Variants in C3orf33 observed in about 807,000 individuals in gnomAD.
The protein encoded by C3orf33 is mitochondrial inner membrane subdomain organizer 1.
C3orf33 carries 23 observed loss-of-function variants against 28.7 expected under a neutral mutation model. That is an observed-to-expected ratio of 0.80 (90% confidence interval 0.58 to 1.13). C3orf33 has a LOEUF of 1.13. Among genes scored for constraint, C3orf33 ranks in the 50% most tolerant of loss-of-function variants. The probability of loss-of-function intolerance (pLI) is 0.00; values close to 1 mark genes in which losing one functional copy is unlikely to be tolerated. For missense variants in C3orf33, 327 were observed against 353.4 expected (o/e 0.93, Z 0.60); for synonymous variants, 119 against 120.5 (o/e 0.99, Z 0.08).
chr3:155,764,648 C>T (rs946469039), intron 4 of C3orf33, among the ~76,000 whole-genome samples: 10 of 151,212 alleles, frequency 6.6e-5, no homozygotes, highest in African/African-American at 2.4e-4. Context: ...GTCAGGAGTT[C>T]GAGACCAGCC....
In C3orf33 at chr3:155,806,221, G is replaced by A; in HGVS notation, c.32C>T (p.Pro11Leu). 2.0e-6 allele frequency: 3 copies of A among 1,484,504 alleles called. No homozygotes were observed. The highest frequency in any genetic ancestry group is 2.7e-6 in the Non-Finnish European group (3 of 1,117,108). The allele number at this position is 1,484,504 out of a possible 1,614,324, so 92.0% of individuals were successfully genotyped here. A position where few individuals can be genotyped will look rare whatever the true frequency, so the allele number is the denominator to read the frequency against. ...CTCCATTCCGTCCTTGTCGGCAGAC[G>A]GCGAGCCGGTGGCCGCGGGCTGCCC... MAGQPAATGS[P>L]SADKDGMEPN... is the part of the protein sequence containing the mutation. The change falls in exon 1 of 5, where the codon CCG (proline) becomes CTG (leucine). Residue 11 changes from proline to leucine, a missense_variant. Pro to Leu is a moderately conservative substitution (Grantham distance 98). Transcript: ENST00000340171.
intron 2 of C3orf33, among the ~76,000 whole-genome samples, chr3:155,784,249 A>G (rs1751032547): frequency 6.6e-6 from 1 of 151,992 alleles, no homozygotes; most frequent in Non-Finnish European, 1.5e-5. Flanking sequence ...CTTTTTTTAT[A>G]TCCACAATGT....
chr3:155,791,325 C>T (rs114335498), intron 2 of C3orf33, among the ~76,000 whole-genome samples: 1,741 of 152,274 alleles, frequency 0.011, 46 homozygotes, highest in African/African-American at 0.041. Flanking sequence ...CAGCAATACT[C>T]ACGCAATACC....
chr3:155,783,192 T>C (rs1750989550), intron 2 of C3orf33, among the ~76,000 whole-genome samples: 2 of 151,650 alleles, frequency 1.3e-5, no homozygotes, highest in African/African-American at 4.9e-5. Flanking sequence ...TCTCGTTCTG[T>C]CACCCAGGCT....
At chr3:155,803,790 G>A (rs765272797) in intron 1 of C3orf33, among the ~76,000 whole-genome samples, 17 of 151,528 alleles carry the variant, frequency 1.1e-4, no homozygotes, top group South Asian at 4.2e-4. Flanking sequence ...GCTGAGGCAC[G>A]AGAATCGCTA....
At chr3:155,796,973 C>A (rs781442067) in intron 2 of C3orf33, among the ~76,000 whole-genome samples, 8 of 152,082 alleles carry the variant, frequency 5.3e-5, no homozygotes, top group Non-Finnish European at 8.8e-5. Flanking sequence ...GGCAGATCAC[C>A]TGAAGTCAGG....
chr3:155,804,700 A>G (rs1204390660), intron 1 of C3orf33, among the ~76,000 whole-genome samples: 1 of 152,072 alleles, frequency 6.6e-6, no homozygotes, highest in East Asian at 1.9e-4. Flanking sequence ...CAGATTCTCA[A>G]TGTTATAATC....
intron 2 of C3orf33, among the ~76,000 whole-genome samples, chr3:155,790,930 GT>G: frequency 6.6e-6 from 1 of 152,288 alleles, no homozygotes; most frequent in Admixed American, 6.5e-5. Flanking sequence ...CTGGTGCCGT[GT>G]TGGCTCAAAG....
chr3:155,777,327 A>T (rs547387682), intron 2 of C3orf33, among the ~76,000 whole-genome samples: 100 of 151,832 alleles, frequency 6.6e-4, no homozygotes, highest in South Asian at 1.3e-3. Flanking sequence ...AAAAAAATTA[A>T]AAAAAAAATC....
chr3:155,775,645 C>A, intron 3 of C3orf33, 56 bp downstream of exon 3: 1 of 1,207,660 alleles, frequency 8.3e-7, no homozygotes, highest in South Asian at 1.7e-5. Flanking sequence ...TTATAAATAA[C>A]TTCTAATAAA....
chr3:155,781,762 C>G (rs1225328541), intron 2 of C3orf33, among the ~76,000 whole-genome samples: 2 of 94,150 alleles, frequency 2.1e-5, no homozygotes, highest in African/African-American at 9.2e-5. Flanking sequence ...GAGTGAGACT[C>G]TATCTCAAAA....
chr3:155,785,235 A>C (rs77942667), intron 2 of C3orf33, among the ~76,000 whole-genome samples: 2,222 of 152,276 alleles, frequency 0.015, 27 homozygotes, highest in South Asian at 0.04. Flanking sequence ...TGAGAGTTGA[A>C]GGGAGAAATA....
chr3:155,806,049 G>A (rs1020119477), intron 1 of C3orf33, 90 bp downstream of exon 1: 2 of 877,078 alleles, frequency 2.3e-6, no homozygotes, highest in East Asian at 3.2e-5. Context: ...CGGCCCCGGC[G>A]GGATCCACGC....
chr3:155,775,880 CTT>C lies in C3orf33; in HGVS notation c.175-34_175-33del, dbSNP rs200080202. The C allele has an allele frequency of 3.1e-5, 46 of 1,465,540 alleles. No individual in the cohort carries two copies. The East Asian group carries it at 1.0e-3, about 33-fold the overall frequency. 90.8% of individuals were successfully genotyped at this position (1,465,540 alleles called of 1,614,324 possible). A position where few individuals can be genotyped will look rare whatever the true frequency, so the allele number is the denominator to read the frequency against. ...ATTTACAGGGAGAAAAATATAACCA[CTT>C]ATTATTATTGTCATCTCAAAATTTA... On this transcript the variant is annotated intron_variant, in intron 2 of 4. Transcript: ENST00000340171.
chr3:155,774,307 T>C (rs989748101), intron 3 of C3orf33, among the ~76,000 whole-genome samples: 13 of 152,134 alleles, frequency 8.5e-5, no homozygotes, highest in African/African-American at 1.4e-4. Context: ...GTATTATAAA[T>C]TGTTGTGGGG....
chr3:155,806,057 C>A, intron 1 of C3orf33, 82 bp downstream of exon 1: 1 of 977,332 alleles, frequency 1.0e-6, no homozygotes, highest in Admixed American at 3.4e-5. Context: ...GCGGGATCCA[C>A]GCCTGAGGCC....
intron 2 of C3orf33, among the ~76,000 whole-genome samples, chr3:155,777,932 A>G (rs1018162300): frequency 6.6e-6 from 1 of 152,108 alleles, no homozygotes; most frequent in Non-Finnish European, 1.5e-5. Flanking sequence ...AGGACAGATC[A>G]TGAGGTCAAT....
At chr3:155,801,130 T>C (rs1362299023) in intron 2 of C3orf33, among the ~76,000 whole-genome samples, 2 of 152,058 alleles carry the variant, frequency 1.3e-5, no homozygotes, top group Non-Finnish European at 2.9e-5. Context: ...CTGACCAACA[T>C]GGTAAAACCC....
At chr3:155,766,933 G>C (rs925385757) in intron 4 of C3orf33, among the ~76,000 whole-genome samples, 1 of 151,712 alleles carries the variant, frequency 6.6e-6, no homozygotes, top group Non-Finnish European at 1.5e-5. Flanking sequence ...CTGGGCAACA[G>C]AGTGAGACTC....
Sources: gnomAD v4.1 joint callset for allele counts (sites outside exome capture counted in the v4.1 genomes callset) on GRCh38, gnomAD v4.1.1 for gene constraint, MANE v1.5 for transcripts, NCBI Gene and HGNC (gene_info 2026-07-23, HGNC 2026-07-21) for gene names.